DLG2: variants seen among roughly 807,000 people sequenced by gnomAD.
DLG2 encodes discs large MAGUK scaffold protein 2, also known as disks large homolog 2.
Under a neutral mutation model 132.5 loss-of-function variants are expected in DLG2, and 45 were observed. The observed-to-expected ratio is 0.34, with a 90% CI of 0.27 to 0.44. DLG2 has a LOEUF of 0.44. DLG2 is among the 20% of genes least tolerant of loss of function. The pLI is 1.00. For synonymous variants in DLG2, 424 were observed against 419.6 expected (o/e 1.01, Z -0.13); for missense variants, 1,045 against 1,196.9 (o/e 0.87, Z 1.87).
intron 11 of DLG2, among the ~76,000 whole-genome samples, chr11:84,005,470 C>T (rs758884098): frequency 2.0e-5 from 3 of 151,714 alleles, no homozygotes; most frequent in Non-Finnish European, 4.4e-5. Flanking sequence ...CTTAAAACCA[C>T]GGACAACTAA....
At chr11:83,538,909 G>C (rs1054231192) in intron 20 of DLG2, among the ~76,000 whole-genome samples, 3 of 152,172 alleles carry the variant, frequency 2.0e-5, no homozygotes, top group Non-Finnish European at 2.9e-5. Context: ...AATTTTGCTA[G>C]CTCTTATTTT....
intron 4 of DLG2, among the ~76,000 whole-genome samples, chr11:85,179,742 C>T (rs796432468): frequency 8.6e-5 from 13 of 151,794 alleles, no homozygotes; most frequent in African/African-American, 3.1e-4. Context: ...TTAGGACCCA[C>T]AATAATACAA....
intron 9 of DLG2, among the ~76,000 whole-genome samples, chr11:84,113,953 G>C (rs1171623219): frequency 2.0e-5 from 3 of 151,802 alleles, no homozygotes; most frequent in Non-Finnish European, 2.9e-5. Context: ...TCCATTCACA[G>C]AAGAGTAAAA....
At chr11:83,814,001 T>C (rs2048118422) in intron 17 of DLG2, among the ~76,000 whole-genome samples, 1 of 152,168 alleles carries the variant, frequency 6.6e-6, no homozygotes, top group African/African-American at 2.4e-5. Flanking sequence ...CTCACTTTTT[T>C]TTCTTTATGT....
chr11:84,167,295 T>C (rs111798222), intron 8 of DLG2, among the ~76,000 whole-genome samples: 1,610 of 152,320 alleles, frequency 0.011, 11 homozygotes, highest in Non-Finnish European at 0.015. Context: ...TAGAATCATA[T>C]GGCAGTTAAG....
At chr11:83,520,639 G>GTAGGTAGATAGATAGATAGATAGATAGA (rs1177747631) in intron 21 of DLG2, among the ~76,000 whole-genome samples, 6 of 147,954 alleles carry the variant, frequency 4.1e-5, no homozygotes, top group South Asian at 2.2e-4. Flanking sequence ...AGGTAGGTAG[G>GTAGGTAGATAGATAGATAGATAGATAGA]TAGATAGATA....
chr11:84,531,676 T>G (rs1565210664), intron 7 of DLG2, among the ~76,000 whole-genome samples: 1 of 152,090 alleles, frequency 6.6e-6, no homozygotes. Context: ...AACTGGTGGT[T>G]CCAAAAAGGA....
chr11:85,520,966 T>C (rs1215553830), intron 3 of DLG2, among the ~76,000 whole-genome samples: 1 of 152,126 alleles, frequency 6.6e-6, no homozygotes, highest in African/African-American at 2.4e-5. Context: ...AAAGATTTCT[T>C]GAGTAGTACC....
chr11:85,424,467 T>G (rs1157064470), intron 3 of DLG2, among the ~76,000 whole-genome samples: 1 of 152,178 alleles, frequency 6.6e-6, no homozygotes, highest in Non-Finnish European at 1.5e-5. Flanking sequence ...GGGATGACAT[T>G]CATGATTCAT....
intron 6 of DLG2, among the ~76,000 whole-genome samples, chr11:84,797,690 T>A (rs2153951921): frequency 6.6e-6 from 1 of 152,330 alleles, no homozygotes; most frequent in South Asian, 2.1e-4. Context: ...TCTGAAAGGT[T>A]ACATATTTTT....
intron 6 of DLG2, among the ~76,000 whole-genome samples, chr11:84,778,636 T>C (rs187013039): frequency 6.6e-6 from 1 of 152,256 alleles, no homozygotes; most frequent in Admixed American, 6.5e-5. Flanking sequence ...GTTTTGTAGT[T>C]TTCCTTGTAG....
intron 6 of DLG2, among the ~76,000 whole-genome samples, chr11:84,990,772 C>T (rs771249666): frequency 6.6e-6 from 1 of 151,214 alleles, no homozygotes; most frequent in Non-Finnish European, 1.5e-5. Context: ...AAAAAGAAAA[C>T]TGGAAAGTTC....
At chr11:84,588,783 A>G (rs1040099967) in intron 6 of DLG2, among the ~76,000 whole-genome samples, 5 of 48,704 alleles carry the variant, frequency 1.0e-4, no homozygotes, top group Non-Finnish European at 1.8e-4. Context: ...AGCATATGTG[A>G]AAAAAAAAAA....
intron 6 of DLG2, among the ~76,000 whole-genome samples, chr11:84,829,959 TTAAGTCATCAATGC>T (rs1430060345): frequency 2.0e-5 from 3 of 151,664 alleles, no homozygotes. Context: ...GGCAGAGAGT[TTAAGTCATCAATGC>T]TTCATTAGAA....
At chr11:84,248,946 G>T (rs2097337928) in intron 8 of DLG2, among the ~76,000 whole-genome samples, 1 of 152,144 alleles carries the variant, frequency 6.6e-6, no homozygotes, top group Non-Finnish European at 1.5e-5. Context: ...CCTGGTATTT[G>T]GAAGAATGGG....
intron 4 of DLG2, among the ~76,000 whole-genome samples, chr11:85,207,408 T>C (rs1453242006): frequency 6.6e-6 from 1 of 152,182 alleles, no homozygotes; most frequent in Non-Finnish European, 1.5e-5. Context: ...CAATTATAAA[T>C]CCAATTTATC....
chr11:84,231,212 A>G (rs1485541816), intron 8 of DLG2, among the ~76,000 whole-genome samples: 1 of 152,178 alleles, frequency 6.6e-6, no homozygotes, highest in Non-Finnish European at 1.5e-5. Flanking sequence ...CAGCTATTTG[A>G]ACCATTAGGT....
At chr11:84,736,817 G>A (rs1169684293) in intron 6 of DLG2, among the ~76,000 whole-genome samples, 4 of 151,926 alleles carry the variant, frequency 2.6e-5, no homozygotes, top group Non-Finnish European at 5.9e-5. Context: ...CATGTCATCT[G>A]TAAACAAAAA....
At chr11:84,427,320 GT>G (rs1465001637) in intron 7 of DLG2, among the ~76,000 whole-genome samples, 1 of 152,134 alleles carries the variant, frequency 6.6e-6, no homozygotes, top group East Asian at 1.9e-4. Flanking sequence ...TTCACATGCA[GT>G]TTTAATTGAA....
Sources: allele counts gnomAD v4.1 joint callset (sites outside exome capture counted in the v4.1 genomes callset), GRCh38; gene constraint gnomAD v4.1.1; transcripts MANE v1.5; gene names NCBI Gene and HGNC (gene_info 2026-07-23, HGNC 2026-07-21).